Variants in RAB3IP observed in about 807,000 individuals in gnomAD.
RAB3IP encodes rab-3A-interacting protein.
In RAB3IP, 36 loss-of-function variants were observed where a neutral mutation model predicts 59.1. The observed-to-expected ratio is 0.61, with a 90% CI of 0.47 to 0.80. The LOEUF (loss-of-function observed/expected upper bound fraction) is 0.80, where lower values mean the gene tolerates loss of function less well. RAB3IP is among the 30% of genes least tolerant of loss of function. The pLI is 0.00. For synonymous variants in RAB3IP, 207 were observed against 191.2 expected, an observed-to-expected ratio of 1.08 and a Z score of -0.68; for missense variants, 511 against 536.0, an observed-to-expected ratio of 0.95 and a Z score of 0.46.
intron 1 of RAB3IP, among the ~76,000 whole-genome samples, chr12:69,754,350 C>CACAT (rs1270869729): frequency 6.6e-6 from 1 of 150,736 alleles, no homozygotes; most frequent in African/African-American, 2.4e-5. Context: ...CGGGCACACA[C>CACAT]ACACACACAC....
chr12:69,820,392 T>A lies in RAB3IP; in HGVS notation c.*4946T>A, dbSNP rs1011686416. On this transcript the variant is annotated 3_prime_UTR_variant, in exon 11 of 11. Transcript: ENST00000247833. ...TGCTACCACTCTGCCCAAGCTATTATCATCTTTCACCTGAACTCCTGCACT... is the reference window on the plus strand; with the variant it reads ...TGCTACCACTCTGCCCAAGCTATTAACATCTTTCACCTGAACTCCTGCACT... 3.0e-4 allele frequency: 46 copies of A among 152,212 alleles called. No homozygotes were observed. The highest frequency in any genetic ancestry group is 1.1e-3 in the African/African-American group (46 of 41,490). 9.4% of individuals were successfully genotyped at this position (152,212 alleles called of 1,614,324 possible).
chr12:69,765,994 T>G (rs1356508771), intron 3 of RAB3IP, among the ~76,000 whole-genome samples: 1 of 152,252 alleles, frequency 6.6e-6, no homozygotes, highest in East Asian at 1.9e-4. Context: ...GCTTGTAAGG[T>G]TTCTGCTGAG....
At chr12:69,803,049 C>T (rs954560336) in intron 8 of RAB3IP, among the ~76,000 whole-genome samples, 1 of 152,038 alleles carries the variant, frequency 6.6e-6, no homozygotes, top group Admixed American at 6.6e-5. Flanking sequence ...TGTGTCATGC[C>T]TCATTTTAAA....
intron 8 of RAB3IP, among the ~76,000 whole-genome samples, chr12:69,808,398 C>T (rs1310873561): frequency 1.3e-5 from 2 of 152,140 alleles, no homozygotes; most frequent in South Asian, 2.1e-4. Flanking sequence ...CTGTAGATGT[C>T]TATTAGGTCT....
At chr12:69,762,542 G>A (rs1341009344) in intron 3 of RAB3IP, among the ~76,000 whole-genome samples, 1 of 152,136 alleles carries the variant, frequency 6.6e-6, no homozygotes, top group Non-Finnish European at 1.5e-5. Context: ...CAGATCACCA[G>A]GTTAGGAGAT....
At chr12:69,812,602 C>T (rs1218005097) in intron 8 of RAB3IP, 176 bp from the exon 9 acceptor site, 2 of 581,018 alleles carry the variant, frequency 3.4e-6, no homozygotes, top group Non-Finnish European at 6.1e-6. Flanking sequence ...ATGTAAGTCT[C>T]ACAAGGGCAG....
chr12:69,768,558 C>G (rs547653540), intron 3 of RAB3IP, among the ~76,000 whole-genome samples: 1 of 152,300 alleles, frequency 6.6e-6, no homozygotes, highest in East Asian at 1.9e-4. Flanking sequence ...GCCTGGATTT[C>G]TCCCTGGGGT....
chr12:69,760,129 G>C lies in RAB3IP; in HGVS notation c.510+3466G>C, dbSNP rs1012054896. On this transcript the variant is annotated intron_variant, in intron 3 of 10. Transcript: ENST00000247833. ...GAATGAGACTCCGTCTGCAATCCCG[G>C]CACCTCGGGAGGCCGAGGCTGGCGG... 8.5e-5 allele frequency among the ~76,000 whole-genome samples: 13 copies of C among 152,364 alleles called. 1 individual carries two copies. The highest frequency in any genetic ancestry group is 8.5e-4 in the Admixed American group (13 of 15,308).
At chr12:69,811,819 G>A (rs976234870) in intron 8 of RAB3IP, among the ~76,000 whole-genome samples, 3 of 152,126 alleles carry the variant, frequency 2.0e-5, no homozygotes, top group African/African-American at 7.2e-5. Context: ...TTAATACAAA[G>A]GCACTTTTGT....
intron 1 of RAB3IP, among the ~76,000 whole-genome samples, chr12:69,741,507 T>A (rs1196509138): frequency 6.6e-6 from 1 of 152,234 alleles, no homozygotes; most frequent in Non-Finnish European, 1.5e-5. Flanking sequence ...TTTAAAAATA[T>A]CCAAGTTTTC....
chr12:69,765,666 A>G (rs969294124), intron 3 of RAB3IP, among the ~76,000 whole-genome samples: 1 of 152,230 alleles, frequency 6.6e-6, no homozygotes, highest in Admixed American at 6.5e-5. Flanking sequence ...GCCTCTGCAC[A>G]GGAGGAGTGA....
chr12:69,809,028 T>C (rs1348179418), intron 8 of RAB3IP, among the ~76,000 whole-genome samples: 3 of 151,782 alleles, frequency 2.0e-5, no homozygotes, highest in Admixed American at 6.6e-5. Flanking sequence ...GTTTTTGCAG[T>C]GGCTGGTACC....
intron 1 of RAB3IP, among the ~76,000 whole-genome samples, chr12:69,754,077 A>T (rs569420962): frequency 1.3e-5 from 2 of 152,148 alleles, no homozygotes; most frequent in African/African-American, 4.8e-5. Flanking sequence ...CCTCACAGCA[A>T]CCAGGACAAG....
intron 8 of RAB3IP, chr12:69,811,987 G>A (rs942973334): frequency 6.6e-6 from 1 of 152,122 alleles, no homozygotes; most frequent in African/African-American, 2.4e-5. Flanking sequence ...CCTAGCTTAG[G>A]GTGACAGCTG....
chr12:69,772,736 G>A (rs1873355266), intron 3 of RAB3IP, among the ~76,000 whole-genome samples: 1 of 152,010 alleles, frequency 6.6e-6, no homozygotes, highest in South Asian at 2.1e-4. Context: ...TTATATCTTT[G>A]TGTATTGTCT....
intron 8 of RAB3IP, among the ~76,000 whole-genome samples, chr12:69,805,382 TAAG>T (rs1225490305): frequency 6.6e-6 from 1 of 152,134 alleles, no homozygotes; most frequent in Non-Finnish European, 1.5e-5. Flanking sequence ...CTTATCAGCT[TAAG>T]GAGATTTTGG....
At chr12:69,808,444 T>C (rs1879835507) in intron 8 of RAB3IP, among the ~76,000 whole-genome samples, 1 of 152,192 alleles carries the variant, frequency 6.6e-6, no homozygotes, top group African/African-American at 2.4e-5. Context: ...CCTGGATATC[T>C]TTGTTAACTT....
chr12:69,785,330 TAGTC>T (rs1875463427), intron 4 of RAB3IP, among the ~76,000 whole-genome samples: 1 of 152,208 alleles, frequency 6.6e-6, no homozygotes, highest in Admixed American at 6.5e-5. Context: ...CTTGGTGTTT[TAGTC>T]AGGGTTCTCC....
At chr12:69,767,405 C>G (rs550298122) in intron 3 of RAB3IP, among the ~76,000 whole-genome samples, 42 of 152,336 alleles carry the variant, frequency 2.8e-4, no homozygotes, top group Middle Eastern at 3.4e-3. Flanking sequence ...GTGGTCTGAG[C>G]TCCCTGCTCA....
Sources: allele counts gnomAD v4.1 joint callset (sites outside exome capture counted in the v4.1 genomes callset), GRCh38; gene constraint gnomAD v4.1.1; transcripts MANE v1.5; gene names NCBI Gene and HGNC (gene_info 2026-07-23, HGNC 2026-07-21).